TSPAN3: variants seen among roughly 807,000 people sequenced by gnomAD.
The protein encoded by TSPAN3 is tetraspanin 3.
A neutral mutation model predicts 31.1 loss-of-function variants in TSPAN3; 9 were observed. The ratio of observed to expected loss-of-function variants is 0.29; its 90% CI spans 0.17 to 0.50. TSPAN3 has a LOEUF of 0.50. TSPAN3 is among the 20% of genes least tolerant of loss of function. The pLI, the probability that TSPAN3 is intolerant of heterozygous loss-of-function variation, is 0.98. For missense variants in TSPAN3, 252 were observed against 313.5 expected, an observed-to-expected ratio of 0.80 and a Z score of 1.48; for synonymous variants, 129 against 114.3, an observed-to-expected ratio of 1.13 and a Z score of -0.82.
intron 1 of TSPAN3, among the ~76,000 whole-genome samples, chr15:77,067,166 G>C (rs1158751509): frequency 6.6e-6 from 1 of 152,124 alleles, no homozygotes; most frequent in Non-Finnish European, 1.5e-5. Flanking sequence ...TTCAACATGA[G>C]TTTTATAAAG....
chr15:77,050,804 T>G (rs979031449), intron 6 of TSPAN3, among the ~76,000 whole-genome samples: 1 of 152,230 alleles, frequency 6.6e-6, no homozygotes, highest in African/African-American at 2.4e-5. Flanking sequence ...ATTACTGCTA[T>G]GCAGAGCTAC....
At chr15:77,069,355 C>T (rs1012851198) in intron 1 of TSPAN3, among the ~76,000 whole-genome samples, 10 of 152,164 alleles carry the variant, frequency 6.6e-5, no homozygotes, top group African/African-American at 2.4e-4. Flanking sequence ...AATCATGCCA[C>T]ATCTACAAAG....
At chr15:77,059,972 G>T (rs558774742) in intron 1 of TSPAN3, among the ~76,000 whole-genome samples, 1 of 152,144 alleles carries the variant, frequency 6.6e-6, no homozygotes, top group African/African-American at 2.4e-5. Flanking sequence ...CTGAAACTGA[G>T]ACTACAAGAA....
intron 1 of TSPAN3, among the ~76,000 whole-genome samples, chr15:77,066,297 C>T (rs1465600797): frequency 6.6e-6 from 1 of 152,212 alleles, no homozygotes; most frequent in Admixed American, 6.5e-5. Context: ...CTTTGCTGGG[C>T]GCGGTGGCTC....
At chr15:77,059,090 A>G (rs2076785294) in intron 1 of TSPAN3, among the ~76,000 whole-genome samples, 1 of 151,842 alleles carries the variant, frequency 6.6e-6, no homozygotes, top group South Asian at 2.1e-4. Context: ...ATTTTATTTT[A>G]TTTATTTTTT....
chr15:77,061,056 T>A (rs180885646), intron 1 of TSPAN3, among the ~76,000 whole-genome samples: 1 of 152,208 alleles, frequency 6.6e-6, no homozygotes, highest in East Asian at 1.9e-4. Context: ...TGCAAGTATA[T>A]GAGTTCCAAA....
intron 6 of TSPAN3, 76 bp downstream of exon 6, chr15:77,052,309 G>A: frequency 3.2e-6 from 4 of 1,259,246 alleles, no homozygotes; most frequent in Non-Finnish European, 4.6e-6. Context: ...TCACTGTGAT[G>A]GGGATTAAAA....
In TSPAN3 at chr15:77,046,485, G is replaced by A. The variant is rs1180099109; in HGVS notation, c.*350C>T. The A allele has an allele frequency of 1.2e-5, 5 of 417,528 alleles. No homozygotes were observed. The highest frequency in any genetic ancestry group is 2.1e-5 in the Non-Finnish European group (5 of 236,436). 25.9% of individuals were successfully genotyped at this position (417,528 alleles called of 1,614,324 possible). On this transcript the variant is annotated 3_prime_UTR_variant, in exon 7 of 7. Coordinates refer to ENST00000267970, the MANE Select transcript of TSPAN3 (RefSeq NM_005724.6). ...GAGTTCTCCACTGTGAAGACTGAAA[G>A]GACCTGGTGACATTTCGGCATCAGT...
In TSPAN3 at chr15:77,042,769, G is replaced by C. The variant is rs910010358; in HGVS notation, c.*4066C>G. On this transcript the variant is annotated 3_prime_UTR_variant, in exon 7 of 7. Transcript: ENST00000267970. The stretch of plus-strand genomic sequence containing the variant: ...CTGAACCTGGTCGGGGAATGGGGAA[G>C]AGTCTCATGAGGAACAGGGTATGTA... 2 of 152,132 alleles carry C rather than the reference G, an allele frequency of 1.3e-5. No homozygotes were observed. The highest frequency in any genetic ancestry group is 2.9e-5 in the Non-Finnish European group (2 of 68,038). 9.4% of individuals were successfully genotyped at this position (152,132 alleles called of 1,614,324 possible). A position where few individuals can be genotyped will look rare whatever the true frequency, so the allele number is the denominator to read the frequency against.
In TSPAN3 at chr15:77,054,205, G is replaced by A; in HGVS notation, c.405C>T (p.Ser135=). 6.2e-7 allele frequency: 1 copy of A among 1,613,834 alleles called. No homozygotes were observed. Among genetic ancestry groups the A allele is most frequent in the African/African-American group, 1.3e-5 (1 of 74,994 alleles). The change falls in exon 4 of 7, where the codon AGC becomes AGT. Residue 135 remains serine (S), a synonymous_variant. Transcript: ENST00000267970. ...GTCTCTGTACATAATCAATAGCCCG[G>A]CTAGCAGCATCAGGGTTGGTTCCAT... ...TYNGTNPDAA[S]RAIDYVQRQL...
At chr15:77,070,001 A>C (rs1596174175) in intron 1 of TSPAN3, 1 of 152,216 alleles carries the variant, frequency 6.6e-6, no homozygotes. Context: ...TTTCAGATCA[A>C]GTGATGTGAT....
intron 1 of TSPAN3, among the ~76,000 whole-genome samples, chr15:77,060,843 C>A (rs1456234014): frequency 2.6e-5 from 4 of 151,936 alleles, no homozygotes; most frequent in African/African-American, 7.3e-5. Context: ...AAATATTCAT[C>A]CTTTTTACAA....
rs2076689307 is a variant in TSPAN3, at chr15:77,046,088, T to C, written c.*747A>G. On this transcript the variant is annotated 3_prime_UTR_variant, in exon 7 of 7. Coordinates refer to ENST00000267970, the MANE Select transcript of TSPAN3 (RefSeq NM_005724.6). ...TTCTATTTACAACTGAGATCACATC[T>C]ACATACTATTTTGCTAGTCTACATG... 4.1e-6 allele frequency: 1 copy of C among 245,538 alleles called. No homozygotes were observed. Among genetic ancestry groups the C allele is most frequent in the South Asian group, 1.8e-4 (1 of 5,692 alleles). The allele number at this position is 245,538 out of a possible 1,614,324, so 15.2% of individuals were successfully genotyped here. A position where few individuals can be genotyped will look rare whatever the true frequency, so the allele number is the denominator to read the frequency against.
At chr15:77,058,458 G>A (rs907188900) in intron 1 of TSPAN3, among the ~76,000 whole-genome samples, 13 of 152,202 alleles carry the variant, frequency 8.5e-5, no homozygotes, top group African/African-American at 3.1e-4. Flanking sequence ...AAGCTTAAAT[G>A]TTACCTCTTC....
intron 1 of TSPAN3, among the ~76,000 whole-genome samples, chr15:77,056,862 G>T (rs1191119099): frequency 6.6e-6 from 1 of 152,166 alleles, no homozygotes; most frequent in Non-Finnish European, 1.5e-5. Flanking sequence ...CTTTAGAATG[G>T]TGGTTCTCAA....
chr15:77,055,428 C>G (rs2076762719), intron 3 of TSPAN3: 1 of 173,366 alleles, frequency 5.8e-6, no homozygotes, highest in African/African-American at 2.4e-5. Flanking sequence ...TTTAAAGAGA[C>G]AATGGAAAAC....
At position 77,053,451 on chromosome 15, in the gene TSPAN3, C is replaced by CAAAAAAAAAAAAAAAAAAAAAA. The variant is rs60483848; in HGVS notation, c.433-544_433-523dup. Among the ~76,000 whole-genome samples the CAAAAAAAAAAAAAAAAAAAAAA allele has an allele frequency of 2.4e-4, 12 of 50,380 alleles. 1 individual carries two copies. The highest frequency in any genetic ancestry group is 7.8e-4 in the South Asian group (1 of 1,274). 33.1% of individuals were successfully genotyped at this position (50,380 alleles called of 152,430 possible). On this transcript the variant is annotated intron_variant, in intron 4 of 6. Transcript: ENST00000267970. ...CAACAAGAGTGAAATTTCGCCATCT[C>CAAAAAAAAAAAAAAAAAAAAAA]AAAAAAAAAAAAAAAAAAAAAAAAA... is the stretch of plus-strand genomic sequence containing the variant.
chr15:77,056,515 T>C (rs1191154077), intron 1 of TSPAN3, among the ~76,000 whole-genome samples: 1 of 152,044 alleles, frequency 6.6e-6, no homozygotes, highest in African/African-American at 2.4e-5. Flanking sequence ...ACAATGATGA[T>C]GACACACACC....
chr15:77,053,812 T>A (rs1455904807), intron 4 of TSPAN3, among the ~76,000 whole-genome samples: 1 of 152,130 alleles, frequency 6.6e-6, no homozygotes, highest in African/African-American at 2.4e-5. Context: ...TGCCTTTTCT[T>A]ATCTTGTTTT....
Sources: gnomAD v4.1 joint callset for allele counts (sites outside exome capture counted in the v4.1 genomes callset) on GRCh38, gnomAD v4.1.1 for gene constraint, MANE v1.5 for transcripts, NCBI Gene and HGNC (gene_info 2026-07-23, HGNC 2026-07-21) for gene names.